Variants in KDM7A observed in about 807,000 individuals in gnomAD.
KDM7A encodes the protein lysine-specific demethylase 7A.
KDM7A carries 28 observed loss-of-function variants against 114.8 expected under a neutral mutation model. That is an observed-to-expected ratio of 0.24 (90% CI 0.18 to 0.33). The LOEUF (loss-of-function observed/expected upper bound fraction) is 0.33, where lower values mean the gene tolerates loss of function less well. KDM7A is among the 10% of genes least tolerant of loss of function. KDM7A has a pLI of 1.00. For synonymous variants in KDM7A, 423 were observed against 397.8 expected (o/e 1.06, Z -0.75); for missense variants, 942 against 1,142.5 (o/e 0.82, Z 2.53).
chr7:140,162,185 T>A, intron 1 of KDM7A, among the ~76,000 whole-genome samples: 1 of 151,766 alleles, frequency 6.6e-6, no homozygotes. Flanking sequence ...AAAATACAAA[T>A]TTCGCCGGGC....
chr7:140,146,057 T>G (rs536401888), intron 1 of KDM7A, among the ~76,000 whole-genome samples: 54 of 152,320 alleles, frequency 3.5e-4, no homozygotes, highest in African/African-American at 1.3e-3. Context: ...GAAATGTCAG[T>G]GAAGGCTTCA....
Position 140,087,513 on chromosome 7 carries a change from T to C in KDM7A, c.*3581A>G, listed in dbSNP as rs1817947179. 1 of 152,228 alleles carries C rather than the reference T, an allele frequency of 6.6e-6. No homozygotes were observed. The highest frequency in any genetic ancestry group is 1.5e-5 in the Non-Finnish European group (1 of 68,042). The allele number at this position is 152,228 out of a possible 1,614,324, so 9.4% of individuals were successfully genotyped here. A position where few individuals can be genotyped will look rare whatever the true frequency, so the allele number is the denominator to read the frequency against. On this transcript the variant is annotated 3_prime_UTR_variant, in exon 20 of 20. Coordinates refer to ENST00000397560, the MANE Select transcript of KDM7A (RefSeq NM_030647.2). ...GTATTAGTTTTCATTTAAAAATATA[T>C]ATAAAGGTGCATTAATTGCCAGTTT...
At chr7:140,144,498 T>G (rs1459703161) in intron 1 of KDM7A, among the ~76,000 whole-genome samples, 1 of 152,150 alleles carries the variant, frequency 6.6e-6, no homozygotes, top group Admixed American at 6.5e-5. Flanking sequence ...GTAGATAAAC[T>G]GGTCTTCATA....
intron 9 of KDM7A, among the ~76,000 whole-genome samples, chr7:140,114,361 G>T (rs1460559147): frequency 2.0e-5 from 3 of 152,152 alleles, no homozygotes; most frequent in Non-Finnish European, 2.9e-5. Context: ...GTGGAGACGG[G>T]GTTTCGCTGT....
chr7:140,154,333 A>AT (rs1250396453), intron 1 of KDM7A, among the ~76,000 whole-genome samples: 2 of 151,436 alleles, frequency 1.3e-5, no homozygotes, highest in Non-Finnish European at 2.9e-5. Flanking sequence ...AAAAAAAAAA[A>AT]GTTTTTAAAA....
chr7:140,094,092 C>T lies in KDM7A; in HGVS notation c.2421G>A (p.Trp807Ter). ...TEDPDLRTSS[W>*]IKQFDTSRFH... is the part of the protein sequence containing the mutation. ...ATCTGGAAGTATCAAACTGTTTAATCCAGGAGGAAGTCCTCAAGTCTGGAT... is the reference window on the plus strand; with the variant it reads ...ATCTGGAAGTATCAAACTGTTTAATTCAGGAGGAAGTCCTCAAGTCTGGAT... Residue 807 changes from tryptophan to a stop codon, truncating the protein, a stop_gained, in exon 18 of 20, where the codon TGG (tryptophan) becomes TGA (stop). Transcript: ENST00000397560. LOFTEE classifies it high-confidence loss of function. The T allele has an allele frequency of 6.2e-7, 1 of 1,604,952 alleles. No homozygotes were observed. The highest frequency in any genetic ancestry group is 2.2e-5 in the East Asian group (1 of 44,816).
intron 1 of KDM7A, among the ~76,000 whole-genome samples, chr7:140,165,845 G>A (rs1490550101): frequency 6.6e-6 from 1 of 150,998 alleles, no homozygotes; most frequent in Non-Finnish European, 1.5e-5. Context: ...AGTAAGGAAA[G>A]AAAAAAAAAC....
chr7:140,134,071 T>C (rs1029770024), intron 2 of KDM7A, among the ~76,000 whole-genome samples: 4 of 152,188 alleles, frequency 2.6e-5, no homozygotes, highest in Admixed American at 1.3e-4. Context: ...TAGAAATCTA[T>C]TCTAATAGCA....
At position 140,087,989 on chromosome 7, in the gene KDM7A, T is replaced by C. The variant is rs1410483019; in HGVS notation, c.*3105A>G. The C allele has an allele frequency of 2.0e-5, 3 of 152,224 alleles. No homozygotes were observed. The highest frequency in any genetic ancestry group is 7.2e-5 in the African/African-American group (3 of 41,446). The allele number at this position is 152,224 out of a possible 1,614,324, so 9.4% of individuals were successfully genotyped here. A position where few individuals can be genotyped will look rare whatever the true frequency, so the allele number is the denominator to read the frequency against. On this transcript the variant is annotated 3_prime_UTR_variant, in exon 20 of 20. Coordinates refer to ENST00000397560, the MANE Select transcript of KDM7A (RefSeq NM_030647.2). ...GTTCCCCAACAGTACTAGGTAGTGC[T>C]GGGCACACAGTAGATGTTTGATAAA...
chr7:140,100,679 T>TATATATATATATAC (rs1192609907), intron 12 of KDM7A, among the ~76,000 whole-genome samples: 1 of 63,996 alleles, frequency 1.6e-5, no homozygotes, highest in Non-Finnish European at 2.9e-5. Context: ...TATATATATA[T>TATATATATATATAC]ACATATATAC....
intron 9 of KDM7A, among the ~76,000 whole-genome samples, chr7:140,114,430 G>C (rs976229980): frequency 6.6e-6 from 1 of 152,032 alleles, no homozygotes; most frequent in Non-Finnish European, 1.5e-5. Flanking sequence ...TTGGCCTCCC[G>C]AGGTGCCGGG....
intron 9 of KDM7A, among the ~76,000 whole-genome samples, chr7:140,115,141 C>T (rs533263990): frequency 2.3e-4 from 35 of 151,078 alleles, no homozygotes; most frequent in South Asian, 1.0e-3. Context: ...GGCCAGCCCC[C>T]GGCCAGCCAG....
intron 19 of KDM7A, among the ~76,000 whole-genome samples, 195 bp from the exon 20 acceptor site, chr7:140,091,383 G>A (rs1562943021): frequency 6.6e-6 from 1 of 152,100 alleles, no homozygotes; most frequent in Non-Finnish European, 1.5e-5. Context: ...GACTCACAAG[G>A]CTTCCCACAG....
At chr7:140,145,833 A>C (rs1390708148) in intron 1 of KDM7A, among the ~76,000 whole-genome samples, 1 of 152,154 alleles carries the variant, frequency 6.6e-6, no homozygotes, top group Non-Finnish European at 1.5e-5. Flanking sequence ...GTCCTGAAAA[A>C]CCTAAACCAG....
chr7:140,148,086 C>T (rs1417539016), intron 1 of KDM7A, among the ~76,000 whole-genome samples: 1 of 152,038 alleles, frequency 6.6e-6, no homozygotes, highest in Non-Finnish European at 1.5e-5. Context: ...CCAACACTGC[C>T]CTAATCAACA....
rs1317544116 is a variant in KDM7A, at chr7:140,176,411, G to A, written c.194+333C>T. On this transcript the variant is annotated intron_variant, in intron 1 of 19. Coordinates refer to ENST00000397560, the MANE Select transcript of KDM7A (RefSeq NM_030647.2). The surrounding 1 kb of genome is among the most constrained non-coding windows in gnomAD (Gnocchi z 4.4). ...GCGAGGGGCTGCGGACCCGGCCGGC[G>A]CTCCGCCCGACGCCCCCGCCGCGCC... Among the ~76,000 whole-genome samples the A allele has an allele frequency of 2.1e-5, 3 of 142,620 alleles. No homozygotes were observed. Among genetic ancestry groups the A allele is most frequent in the African/African-American group, 7.5e-5 (3 of 39,954 alleles). 93.6% of individuals were successfully genotyped at this position (142,620 alleles called of 152,430 possible). A position where few individuals can be genotyped will look rare whatever the true frequency, so the allele number is the denominator to read the frequency against.
chr7:140,140,719 G>A (rs540509385), intron 1 of KDM7A, among the ~76,000 whole-genome samples: 17 of 148,780 alleles, frequency 1.1e-4, no homozygotes, highest in African/African-American at 4.2e-4. Flanking sequence ...GGTTGCAGTA[G>A]GCAACAGAGT....
Position 140,124,604 on chromosome 7 carries a change from T to A in KDM7A, c.1051+17A>T. ...ACTATCAATCATGTTGAGTAGGGGA[T>A]GGGATGAAAACCTTACCTGTAGGAA... On this transcript the variant is annotated intron_variant, in intron 7 of 19. Transcript: ENST00000397560. The A allele has an allele frequency of 1.3e-6, 2 of 1,592,628 alleles. No homozygotes were observed.
chr7:140,162,810 G>A (rs1188148919), intron 1 of KDM7A, among the ~76,000 whole-genome samples: 2 of 151,990 alleles, frequency 1.3e-5, no homozygotes, highest in Admixed American at 6.6e-5. Flanking sequence ...TAAGTAGTAA[G>A]AACAAAAGAG....
Sources: gnomAD v4.1 joint callset for allele counts (sites outside exome capture counted in the v4.1 genomes callset) on GRCh38, gnomAD v4.1.1 for gene constraint, Gnocchi (gnomAD v3.1) non-coding constraint, MANE v1.5 for transcripts, NCBI Gene and HGNC (gene_info 2026-07-23, HGNC 2026-07-21) for gene names.